ATRX: variants seen among roughly 807,000 people sequenced by gnomAD.
The protein encoded by ATRX is ATRX chromatin remodeler.
ATRX carries 12 observed loss-of-function variants against 172.6 expected under a neutral mutation model. The ratio of observed to expected loss-of-function variants is 0.07; its 90% CI spans 0.04 to 0.11. The LOEUF is 0.11. Among genes scored for constraint, ATRX ranks in the 10% least tolerant of loss-of-function variants. ATRX has a pLI of 1.00. For missense variants in ATRX, 1,368 were observed against 1,767.4 expected (o/e 0.77, Z 4.05); for synonymous variants, 674 against 594.7 (o/e 1.13, Z -1.94).
At chrX:77,754,115 T>C (rs2075401074) in intron 1 of ATRX, among the ~76,000 whole-genome samples, 1 of 111,902 alleles carries the variant, frequency 8.9e-6, no homozygotes, top group Non-Finnish European at 1.9e-5. Flanking sequence ...TTTTTGAACT[T>C]TGTTGGTTTA....
chrX:77,737,186 A>G (rs1361381393), intron 1 of ATRX, among the ~76,000 whole-genome samples: 1 of 110,526 alleles, frequency 9.0e-6, no homozygotes, highest in Non-Finnish European at 1.9e-5. Flanking sequence ...GCACTTTAGG[A>G]GGCCGCGGCG....
chrX:77,615,967 G>A (rs1189982646), intron 22 of ATRX: 13 of 751,074 alleles, frequency 1.7e-5, no homozygotes, highest in Non-Finnish European at 2.0e-5. Context: ...CCAAAGATTA[G>A]GTTTTGTTGT....
chrX:77,644,278 A>G (rs2068801526), intron 15 of ATRX, among the ~76,000 whole-genome samples: 1 of 112,832 alleles, frequency 8.9e-6, no homozygotes, highest in African/African-American at 3.2e-5. Context: ...TTAGTTGAAC[A>G]TGAATGAAAG....
intron 22 of ATRX, among the ~76,000 whole-genome samples, chrX:77,609,933 G>C (rs1483155409): frequency 5.4e-5 from 6 of 111,945 alleles, no homozygotes; most frequent in Non-Finnish European, 7.5e-5. Flanking sequence ...ATATTTTATA[G>C]AACAGGGTGA....
At chrX:77,573,059 T>C (rs1557068453) in intron 28 of ATRX, among the ~76,000 whole-genome samples, 2 of 112,389 alleles carry the variant, frequency 1.8e-5, no homozygotes, top group East Asian at 2.8e-4. Context: ...TGCTTTCTTA[T>C]GTTTGTGTAT....
chrX:77,580,346 A>T (rs1557073256), intron 27 of ATRX, among the ~76,000 whole-genome samples: 1 of 111,704 alleles, frequency 9.0e-6, no homozygotes, highest in African/African-American at 3.2e-5. Flanking sequence ...TAACCCAAAA[A>T]AGACTACTTC....
chrX:77,575,498 T>A (rs1261878324), intron 27 of ATRX: 3 of 111,580 alleles, frequency 2.7e-5, no homozygotes, highest in African/African-American at 9.7e-5. Flanking sequence ...AAATAAATAA[T>A]CATAAATGAA....
intron 1 of ATRX, among the ~76,000 whole-genome samples, chrX:77,718,602 C>G (rs1373829500): frequency 9.1e-6 from 1 of 110,495 alleles, no homozygotes; most frequent in Non-Finnish European, 1.9e-5. Context: ...TCTCTATCTC[C>G]TGACCTCGTG....
chrX:77,758,830 A>G (rs2075612142), intron 1 of ATRX, among the ~76,000 whole-genome samples: 2 of 111,705 alleles, frequency 1.8e-5, no homozygotes, highest in South Asian at 7.4e-4. Context: ...TTTTCTTTCC[A>G]TTAAGATACT....
chrX:77,672,650 A>AT (rs1459421058), intron 10 of ATRX, among the ~76,000 whole-genome samples: 1 of 110,693 alleles, frequency 9.0e-6, no homozygotes, highest in African/African-American at 3.3e-5. Context: ...CAATGGGACA[A>AT]TTTTTTTTAG....
intron 15 of ATRX, among the ~76,000 whole-genome samples, chrX:77,640,213 A>T (rs908513833): frequency 3.9e-4 from 44 of 111,566 alleles, no homozygotes; most frequent in African/African-American, 1.4e-3. Context: ...CTGAACAACT[A>T]TTGGGTACTA....
At chrX:77,554,476 G>C (rs1201220824) in intron 30 of ATRX, among the ~76,000 whole-genome samples, 2 of 111,455 alleles carry the variant, frequency 1.8e-5, no homozygotes, top group East Asian at 5.6e-4. Flanking sequence ...AGAACTTATA[G>C]TAAACATTAT....
chrX:77,608,286 G>A (rs893059625), intron 22 of ATRX, among the ~76,000 whole-genome samples: 6 of 105,838 alleles, frequency 5.7e-5, no homozygotes, highest in African/African-American at 1.7e-4. Context: ...GAAGAATGGC[G>A]TGAACCCAGG....
intron 34 of ATRX, 128 bp downstream of exon 34, chrX:77,520,660 C>T: frequency 6.8e-6 from 5 of 738,517 alleles, no homozygotes; most frequent in Middle Eastern, 5.2e-4. Context: ...ACATTTCTTC[C>T]AGAATTATCA....
intron 1 of ATRX, among the ~76,000 whole-genome samples, chrX:77,730,716 A>G (rs1156612224): frequency 8.9e-6 from 1 of 112,285 alleles, no homozygotes; most frequent in African/African-American, 3.2e-5. Context: ...AAATTAAACA[A>G]TATGTTCTTG....
At chrX:77,780,173 CA>C (rs1557204864) in intron 1 of ATRX, among the ~76,000 whole-genome samples, 1 of 111,436 alleles carries the variant, frequency 9.0e-6, no homozygotes, top group African/African-American at 3.3e-5. Flanking sequence ...GTATCAGCAA[CA>C]AAACACCTGT....
At chrX:77,613,604 T>C in intron 22 of ATRX, among the ~76,000 whole-genome samples, 1 of 112,445 alleles carries the variant, frequency 8.9e-6, no homozygotes, top group Non-Finnish European at 1.9e-5. Flanking sequence ...TTTTCATATA[T>C]GCAGGTTCTG....
intron 26 of ATRX, among the ~76,000 whole-genome samples, chrX:77,592,409 G>A (rs1309335720): frequency 9.9e-5 from 8 of 80,965 alleles, no homozygotes; most frequent in African/African-American, 1.9e-4. Context: ...GCAAAACTCC[G>A]TCTCAAAAAA....
chrX:77,577,959 T>C (rs1356674214), intron 27 of ATRX, among the ~76,000 whole-genome samples: 1 of 111,475 alleles, frequency 9.0e-6, no homozygotes, highest in East Asian at 2.8e-4. Context: ...GGAAAGACAA[T>C]CTTGAATCGC....
Sources: gnomAD v4.1 joint callset for allele counts (sites outside exome capture counted in the v4.1 genomes callset) on GRCh38, gnomAD v4.1.1 for gene constraint, MANE v1.5 for transcripts, NCBI Gene and HGNC (gene_info 2026-07-23, HGNC 2026-07-21) for gene names.